Variants in NRXN3 observed in about 807,000 individuals in gnomAD.
The protein encoded by NRXN3 is neurexin 3.
In NRXN3, 32 loss-of-function variants were observed where a neutral mutation model predicts 137.6. The ratio of observed to expected loss-of-function variants is 0.23; its 90% confidence interval spans 0.18 to 0.31. NRXN3 has a LOEUF of 0.31. NRXN3 is among the 10% of genes least tolerant of loss of function. The probability of loss-of-function intolerance (pLI) is 1.00; values close to 1 mark genes in which losing one functional copy is unlikely to be tolerated. For synonymous variants in NRXN3, 798 were observed against 784.5 expected, an observed-to-expected ratio of 1.02 and a Z score of -0.29; for missense variants, 1,574 against 2,062.5, an observed-to-expected ratio of 0.76 and a Z score of 4.59.
intron 10 of NRXN3, among the ~76,000 whole-genome samples, chr14:78,899,980 G>A (rs926043504): frequency 2.0e-5 from 3 of 151,714 alleles, no homozygotes; most frequent in African/African-American, 7.3e-5. Context: ...AAAGCTATAG[G>A]AATCTGACCT....
chr14:78,944,441 T>G (rs992079181), intron 10 of NRXN3, among the ~76,000 whole-genome samples: 3 of 152,208 alleles, frequency 2.0e-5, no homozygotes, highest in African/African-American at 7.2e-5. Flanking sequence ...TCCTAAAAAT[T>G]TGATGTCTAC....
chr14:79,595,968 C>A (rs1268678852), intron 16 of NRXN3, among the ~76,000 whole-genome samples: 2 of 151,782 alleles, frequency 1.3e-5, no homozygotes, highest in Non-Finnish European at 2.9e-5. Flanking sequence ...AATCTAAAGA[C>A]AGCCGGTTTT....
At chr14:78,598,729 G>T (rs1290539631) in intron 4 of NRXN3, among the ~76,000 whole-genome samples, 1 of 152,208 alleles carries the variant, frequency 6.6e-6, no homozygotes, top group African/African-American at 2.4e-5. Context: ...GTAGCAGAGG[G>T]AGCCAATATC....
intron 1 of NRXN3, among the ~76,000 whole-genome samples, chr14:78,227,462 A>C (rs528415878): frequency 3.9e-5 from 6 of 152,206 alleles, no homozygotes; most frequent in Non-Finnish European, 2.9e-5. Context: ...GTATGCAGTC[A>C]GTACTTACTT....
At chr14:79,095,910 T>C (rs2050225990) in intron 15 of NRXN3, among the ~76,000 whole-genome samples, 1 of 152,162 alleles carries the variant, frequency 6.6e-6, no homozygotes, top group Admixed American at 6.5e-5. Flanking sequence ...GTTATAAAAA[T>C]TCATGTGCAT....
chr14:79,206,298 G>A (rs2153223131), intron 15 of NRXN3, among the ~76,000 whole-genome samples: 1 of 152,286 alleles, frequency 6.6e-6, no homozygotes, highest in East Asian at 1.9e-4. Flanking sequence ...TCGGAGGCAG[G>A]TAATATTATA....
At chr14:78,963,358 G>T (rs908670522) in intron 11 of NRXN3, among the ~76,000 whole-genome samples, 11 of 151,936 alleles carry the variant, frequency 7.2e-5, no homozygotes, top group Admixed American at 2.0e-4. Context: ...TCTCATCTTA[G>T]ATTTTTTCTT....
intron 2 of NRXN3, among the ~76,000 whole-genome samples, chr14:78,244,740 C>T (rs568290884): frequency 2.0e-5 from 3 of 152,328 alleles, no homozygotes; most frequent in Non-Finnish European, 4.4e-5. Flanking sequence ...GGTTCCCTTT[C>T]CCATCCTCTC....
chr14:78,531,213 C>A (rs1445787545), intron 4 of NRXN3, among the ~76,000 whole-genome samples: 2 of 152,134 alleles, frequency 1.3e-5, no homozygotes, highest in Non-Finnish European at 2.9e-5. Context: ...GGAGATTAGC[C>A]AAAATGTCAG....
intron 4 of NRXN3, among the ~76,000 whole-genome samples, chr14:78,456,853 C>CT (rs71131649): frequency 5.4e-5 from 7 of 128,792 alleles, no homozygotes; most frequent in Non-Finnish European, 1.2e-4. Context: ...TTCTTTCTTT[C>CT]TTTTTCTCTT....
At position 79,868,157 on chromosome 14, in the gene NRXN3, T is replaced by A. The variant is rs562934847; in HGVS notation, c.*6193T>A. The A allele has an allele frequency of 1.2e-4, 18 of 152,336 alleles. No homozygotes were observed. Among genetic ancestry groups the A allele is most frequent in the Non-Finnish European group, 2.1e-4 (14 of 68,028 alleles). 9.4% of individuals were successfully genotyped at this position (152,336 alleles called of 1,614,324 possible). A position where few individuals can be genotyped will look rare whatever the true frequency, so the allele number is the denominator to read the frequency against. On this transcript the variant is annotated 3_prime_UTR_variant, in exon 21 of 21. Transcript: ENST00000335750. ...TGCTTAACATATGTGTGACAAATAATTATCCTTAAATAAATGTTGGTCGTT... is the reference window on the plus strand; with the variant it reads ...TGCTTAACATATGTGTGACAAATAAATATCCTTAAATAAATGTTGGTCGTT...
chr14:79,162,480 T>A (rs184112293), intron 15 of NRXN3, among the ~76,000 whole-genome samples: 1 of 152,090 alleles, frequency 6.6e-6, no homozygotes, highest in Admixed American at 6.5e-5. Flanking sequence ...ACTCATCATT[T>A]TTTATGGCTG....
At chr14:79,760,116 C>G (rs1365027579) in intron 19 of NRXN3, among the ~76,000 whole-genome samples, 1 of 151,492 alleles carries the variant, frequency 6.6e-6, no homozygotes, top group Non-Finnish European at 1.5e-5. Flanking sequence ...AGTACATCAG[C>G]ACATAAAATA....
chr14:79,617,016 T>C (rs2098164249), intron 16 of NRXN3, among the ~76,000 whole-genome samples: 1 of 152,072 alleles, frequency 6.6e-6, no homozygotes, highest in Non-Finnish European at 1.5e-5. Context: ...GGCCTGATAG[T>C]CAATCCTTGG....
At chr14:79,004,883 A>G (rs1470575423) in intron 15 of NRXN3, among the ~76,000 whole-genome samples, 3 of 152,098 alleles carry the variant, frequency 2.0e-5, no homozygotes, top group Admixed American at 2.0e-4. Flanking sequence ...CGTCCTCATC[A>G]TTAGCATTTA....
chr14:78,225,723 C>G (rs2064466412), intron 1 of NRXN3, among the ~76,000 whole-genome samples: 1 of 152,142 alleles, frequency 6.6e-6, no homozygotes, highest in African/African-American at 2.4e-5. Flanking sequence ...TTATGGCTTC[C>G]CGAACATCCC....
intron 4 of NRXN3, among the ~76,000 whole-genome samples, chr14:78,487,742 CATAAATAA>C (rs10601165): frequency 0.41 from 58,153 of 140,974 alleles, 12,281 homozygotes; most frequent in Middle Eastern, 0.55. Flanking sequence ...AACTCCATCT[CATAAATAA>C]ATAAATAAAT....
intron 16 of NRXN3, among the ~76,000 whole-genome samples, chr14:79,566,372 T>G (rs1486951632): frequency 2.0e-5 from 3 of 151,982 alleles, no homozygotes; most frequent in Non-Finnish European, 4.4e-5. Flanking sequence ...CCCAACTCCC[T>G]CCTCACCTCT....
At chr14:78,422,865 C>G (rs573818496) in intron 4 of NRXN3, among the ~76,000 whole-genome samples, 1 of 152,182 alleles carries the variant, frequency 6.6e-6, no homozygotes, top group Admixed American at 6.5e-5. Context: ...GTGATGGAGT[C>G]TCACATCCTG....
Sources: allele counts gnomAD v4.1 joint callset (sites outside exome capture counted in the v4.1 genomes callset), GRCh38; gene constraint gnomAD v4.1.1; transcripts MANE v1.5; gene names NCBI Gene and HGNC (gene_info 2026-07-23, HGNC 2026-07-21).